The following UNC5D variants were observed in gnomAD, a reference collection of about 807,000 sequenced individuals.
UNC5D encodes the protein unc-5 netrin receptor D, also known as netrin receptor UNC5D.
In UNC5D, 39 loss-of-function variants were observed where a neutral mutation model predicts 105.4. That is an observed-to-expected ratio of 0.37 (90% CI 0.29 to 0.48). UNC5D has a LOEUF of 0.48. Among genes scored for constraint, UNC5D ranks in the 20% least tolerant of loss-of-function variants. The pLI is 0.98. For missense variants in UNC5D, 991 were observed against 1,202.4 expected, an observed-to-expected ratio of 0.82 and a Z score of 2.60; for synonymous variants, 452 against 450.4, an observed-to-expected ratio of 1.00 and a Z score of -0.04.
chr8:35,548,600 C>T (rs1815870529), intron 1 of UNC5D, among the ~76,000 whole-genome samples: 1 of 152,138 alleles, frequency 6.6e-6, no homozygotes, highest in Admixed American at 6.5e-5. Flanking sequence ...TTCATTTGAT[C>T]AAATGTAATT....
In UNC5D at chr8:35,331,158, A is replaced by C. The variant is rs185588147; in HGVS notation, c.103+95271A>C. ...AAAAGAGGAAGATGAGTGAGAGATG[A>C]GAGATTAATTCACGACCCTGTATAG... On this transcript the variant is annotated intron_variant, in intron 1 of 16. Coordinates refer to ENST00000404895, the MANE Select transcript of UNC5D (RefSeq NM_080872.4). Among the ~76,000 whole-genome samples, 3 of 152,306 alleles carry C rather than the reference A, an allele frequency of 2.0e-5. No homozygotes were observed. In the East Asian group the frequency reaches 5.8e-4, roughly 29 times the overall value.
At chr8:35,401,749 C>A (rs1343273441) in intron 1 of UNC5D, among the ~76,000 whole-genome samples, 3 of 152,044 alleles carry the variant, frequency 2.0e-5, no homozygotes, top group African/African-American at 4.8e-5. Flanking sequence ...TATTCCAGAA[C>A]AAATTAAAGA....
intron 1 of UNC5D, among the ~76,000 whole-genome samples, chr8:35,298,586 GTTTTTTTT>G (rs35299004): frequency 1.8e-5 from 2 of 110,548 alleles, no homozygotes; most frequent in Non-Finnish European, 3.5e-5. Flanking sequence ...ATTGTTGTAG[GTTTTTTTT>G]TTTTTTTTTT....
chr8:35,239,167 C>T (rs1802649950), intron 1 of UNC5D, among the ~76,000 whole-genome samples: 1 of 151,908 alleles, frequency 6.6e-6, no homozygotes, highest in Non-Finnish European at 1.5e-5. Flanking sequence ...CACTTGTCAC[C>T]CTTTGCATAC....
intron 10 of UNC5D, among the ~76,000 whole-genome samples, chr8:35,728,866 T>A (rs1402385808): frequency 2.0e-5 from 3 of 152,204 alleles, no homozygotes; most frequent in South Asian, 2.1e-4. Context: ...GGGTATTATA[T>A]TTTTCTTTAA....
intron 4 of UNC5D, among the ~76,000 whole-genome samples, chr8:35,609,021 C>G (rs1820507399): frequency 6.6e-6 from 1 of 152,114 alleles, no homozygotes. Context: ...TACATTCCCA[C>G]CAACACTGTA....
intron 3 of UNC5D, among the ~76,000 whole-genome samples, chr8:35,570,298 G>T (rs1288056388): frequency 6.6e-6 from 1 of 152,116 alleles, no homozygotes; most frequent in Admixed American, 6.5e-5. Context: ...TCCAACTTCA[G>T]TTCTACTACT....
chr8:35,601,573 A>G (rs1023384143), intron 4 of UNC5D, among the ~76,000 whole-genome samples: 64 of 152,060 alleles, frequency 4.2e-4, no homozygotes, highest in Non-Finnish European at 2.8e-4. Context: ...TGTGAATGGG[A>G]GTTCACTCAT....
chr8:35,693,950 G>A (rs1180860308), intron 7 of UNC5D, among the ~76,000 whole-genome samples: 2 of 152,028 alleles, frequency 1.3e-5, no homozygotes, highest in Non-Finnish European at 2.9e-5. Flanking sequence ...TGGGCAGCTG[G>A]AGAGCAGGAT....
intron 1 of UNC5D, among the ~76,000 whole-genome samples, chr8:35,320,418 C>T (rs1260744472): frequency 6.6e-6 from 1 of 152,018 alleles, no homozygotes; most frequent in African/African-American, 2.4e-5. Context: ...AAGCTCTTAT[C>T]AGACATAAAA....
intron 11 of UNC5D, among the ~76,000 whole-genome samples, chr8:35,740,944 T>C (rs1296287848): frequency 6.6e-6 from 1 of 152,124 alleles, no homozygotes; most frequent in Non-Finnish European, 1.5e-5. Flanking sequence ...CTATCCAGAA[T>C]ATAAGTGCAT....
chr8:35,464,096 G>A (rs945976712), intron 1 of UNC5D, among the ~76,000 whole-genome samples: 10 of 152,108 alleles, frequency 6.6e-5, no homozygotes, highest in African/African-American at 2.4e-4. Flanking sequence ...GGAGGCCAAG[G>A]TGAGTGGATC....
intron 1 of UNC5D, among the ~76,000 whole-genome samples, chr8:35,333,359 C>G (rs1810775808): frequency 6.6e-6 from 1 of 152,032 alleles, no homozygotes; most frequent in Non-Finnish European, 1.5e-5. Context: ...TAAGCTTTAG[C>G]CCTTTAAATC....
intron 14 of UNC5D, among the ~76,000 whole-genome samples, chr8:35,760,320 G>C (rs556044310): frequency 2.0e-5 from 3 of 152,078 alleles, no homozygotes; most frequent in Non-Finnish European, 2.9e-5. Flanking sequence ...TGGGATTACA[G>C]ATGTGAGCCA....
intron 4 of UNC5D, among the ~76,000 whole-genome samples, chr8:35,638,831 G>A (rs748882183): frequency 4.6e-5 from 7 of 152,042 alleles, no homozygotes; most frequent in Middle Eastern, 3.4e-3. Flanking sequence ...ATTATCCTGA[G>A]ACTAGCCTCA....
At chr8:35,282,220 C>T (rs977828167) in intron 1 of UNC5D, among the ~76,000 whole-genome samples, 2 of 152,184 alleles carry the variant, frequency 1.3e-5, no homozygotes, top group Admixed American at 1.3e-4. Context: ...ACCATAGCAT[C>T]GAAGGAGGAC....
At chr8:35,562,019 C>T (rs1468420097) in intron 2 of UNC5D, among the ~76,000 whole-genome samples, 4 of 152,142 alleles carry the variant, frequency 2.6e-5, no homozygotes, top group African/African-American at 9.7e-5. Flanking sequence ...TTCAACCTGT[C>T]TTCTCTCCTC....
intron 1 of UNC5D, among the ~76,000 whole-genome samples, chr8:35,323,307 C>T (rs1287522206): frequency 6.7e-6 from 1 of 148,392 alleles, no homozygotes; most frequent in African/African-American, 2.5e-5. Flanking sequence ...AATGTGTTCT[C>T]TAAAAAGGAG....
chr8:35,358,021 T>C (rs1801653783), intron 1 of UNC5D, among the ~76,000 whole-genome samples: 2 of 152,142 alleles, frequency 1.3e-5, no homozygotes, highest in African/African-American at 4.8e-5. Flanking sequence ...TCTTCCCATA[T>C]TTATATCAAA....
Sources: allele counts gnomAD v4.1 joint callset (sites outside exome capture counted in the v4.1 genomes callset), GRCh38; gene constraint gnomAD v4.1.1; transcripts MANE v1.5; gene names NCBI Gene and HGNC (gene_info 2026-07-23, HGNC 2026-07-21).